Variants in IL1RAPL1 observed in about 807,000 individuals in gnomAD.
The protein encoded by IL1RAPL1 is interleukin 1 receptor accessory protein like 1, also known as interleukin-1 receptor accessory protein-like 1.
IL1RAPL1 carries 3 observed loss-of-function variants against 48.4 expected under a neutral mutation model. The ratio of observed to expected loss-of-function variants is 0.06; its 90% CI spans 0.03 to 0.16. IL1RAPL1 has a LOEUF of 0.16. Ranked by LOEUF, IL1RAPL1 falls within the 10% of genes least tolerant of loss-of-function variation. The pLI, the probability that IL1RAPL1 is intolerant of heterozygous loss-of-function variation, is 1.00. For missense variants in IL1RAPL1, 349 were observed against 530.6 expected, an observed-to-expected ratio of 0.66 and a Z score of 3.36; for synonymous variants, 185 against 187.7, an observed-to-expected ratio of 0.99 and a Z score of 0.12.
At position 29,956,714 on chromosome X, in the gene IL1RAPL1, A is replaced by G. The variant is rs1933429694; in HGVS notation, c.*894A>G. ...ATATAAAAACAACAAAACAAAACAA[A>G]AAAAGAAAAAAAAACAAAAAACAAA... On this transcript the variant is annotated 3_prime_UTR_variant, in exon 11 of 11. Coordinates refer to ENST00000378993, the MANE Select transcript of IL1RAPL1 (RefSeq NM_014271.4). 9.6e-6 allele frequency: 1 copy of G among 103,931 alleles called. No homozygotes were observed. Among genetic ancestry groups the G allele is most frequent in the Non-Finnish European group, 1.9e-5 (1 of 51,738 alleles). The allele number at this position is 103,931 out of a possible 1,213,427, so 8.6% of individuals were successfully genotyped here.
chrX:29,103,652 A>G (rs2147465482), intron 2 of IL1RAPL1, among the ~76,000 whole-genome samples: 1 of 111,674 alleles, frequency 9.0e-6, no homozygotes, highest in South Asian at 3.7e-4. Flanking sequence ...GCTTCTGCAC[A>G]ACAAAGGATA....
intron 3 of IL1RAPL1, among the ~76,000 whole-genome samples, chrX:29,370,324 C>T (rs955825023): frequency 5.7e-5 from 5 of 87,256 alleles, no homozygotes; most frequent in Non-Finnish European, 1.2e-4. Context: ...CTTTTGTTGC[C>T]ATTATGACAT....
intron 5 of IL1RAPL1, among the ~76,000 whole-genome samples, chrX:29,465,251 C>T (rs933192796): frequency 9.1e-6 from 1 of 109,972 alleles, no homozygotes; most frequent in African/African-American, 3.3e-5. Context: ...CAAAAAAATA[C>T]AAAAATCAGC....
At chrX:29,084,144 C>T (rs1390777622) in intron 2 of IL1RAPL1, among the ~76,000 whole-genome samples, 3 of 111,435 alleles carry the variant, frequency 2.7e-5, no homozygotes, top group Admixed American at 1.9e-4. Context: ...GAAATTGGGG[C>T]ATGACTACAC....
chrX:29,142,490 C>A (rs1479664190), intron 2 of IL1RAPL1, among the ~76,000 whole-genome samples: 8 of 111,797 alleles, frequency 7.2e-5, no homozygotes, highest in African/African-American at 2.6e-4. Flanking sequence ...CAGAAAAGAA[C>A]CCTAGTGGAC....
At chrX:29,114,992 C>T (rs184918305) in intron 2 of IL1RAPL1, among the ~76,000 whole-genome samples, 6 of 111,562 alleles carry the variant, frequency 5.4e-5, no homozygotes, top group African/African-American at 9.8e-5. Context: ...ATAAATATTA[C>T]GAATTTTTAA....
intron 6 of IL1RAPL1, among the ~76,000 whole-genome samples, chrX:29,765,120 G>A (rs969993937): frequency 8.0e-5 from 9 of 112,141 alleles, no homozygotes; most frequent in African/African-American, 2.9e-4. Flanking sequence ...GTTCTCAAGC[G>A]AAATAAAACA....
intron 2 of IL1RAPL1, among the ~76,000 whole-genome samples, chrX:29,075,859 A>G (rs1322905048): frequency 1.8e-5 from 2 of 111,892 alleles, no homozygotes; most frequent in Non-Finnish European, 3.8e-5. Context: ...TATACATAGG[A>G]GTGCTTTCTC....
At chrX:29,762,206 C>T (rs985436644) in intron 6 of IL1RAPL1, among the ~76,000 whole-genome samples, 8 of 111,662 alleles carry the variant, frequency 7.2e-5, no homozygotes, top group Non-Finnish European at 1.1e-4. Flanking sequence ...AGACAGTGTG[C>T]GGTAGAGATA....
chrX:29,766,342 A>AAATATATATATATAT (rs1200679211), intron 6 of IL1RAPL1, among the ~76,000 whole-genome samples: 1 of 47,542 alleles, frequency 2.1e-5, no homozygotes, highest in African/African-American at 9.0e-5. Context: ...AAAAAAAAAA[A>AAATATATATATATAT]ATATATATAT....
At chrX:29,118,783 T>G (rs1928725198) in intron 2 of IL1RAPL1, among the ~76,000 whole-genome samples, 1 of 111,636 alleles carries the variant, frequency 9.0e-6, no homozygotes, top group South Asian at 3.7e-4. Context: ...AAATTTCTAC[T>G]TTAAAAAAAA....
At chrX:29,723,312 G>A (rs772793161) in intron 6 of IL1RAPL1, among the ~76,000 whole-genome samples, 7 of 112,367 alleles carry the variant, frequency 6.2e-5, no homozygotes, top group Non-Finnish European at 1.1e-4. Context: ...GCAGTGGTGC[G>A]ATCTCGGCTC....
At chrX:28,736,928 T>C (rs1487683296) in intron 1 of IL1RAPL1, among the ~76,000 whole-genome samples, 1 of 112,114 alleles carries the variant, frequency 8.9e-6, no homozygotes, top group Admixed American at 9.5e-5. Context: ...TCATGGATTC[T>C]TTCATTCCAT....
chrX:29,156,240 C>T (rs2147501883), intron 2 of IL1RAPL1, among the ~76,000 whole-genome samples: 1 of 111,433 alleles, frequency 9.0e-6, no homozygotes, highest in African/African-American at 3.3e-5. Context: ...TGCAATTTTC[C>T]ATGAGCCTAG....
chrX:29,560,508 A>G (rs1002594647), intron 5 of IL1RAPL1, among the ~76,000 whole-genome samples: 7 of 111,646 alleles, frequency 6.3e-5, no homozygotes, highest in Non-Finnish European at 1.1e-4. Flanking sequence ...TAGTGAATGT[A>G]TCGGTTCTCT....
chrX:28,969,699 A>AT (rs760681630), intron 2 of IL1RAPL1, among the ~76,000 whole-genome samples: 3 of 108,673 alleles, frequency 2.8e-5, no homozygotes, highest in Non-Finnish European at 5.7e-5. Flanking sequence ...CCTAGTGTTA[A>AT]TTTTTTTTAA....
intron 6 of IL1RAPL1, among the ~76,000 whole-genome samples, chrX:29,904,307 A>G (rs1332056710): frequency 1.8e-5 from 2 of 111,904 alleles, no homozygotes; most frequent in East Asian, 5.6e-4. Flanking sequence ...GCTCTTGATA[A>G]CAAGCTAAAT....
At chrX:29,747,339 T>C (rs1928357517) in intron 6 of IL1RAPL1, among the ~76,000 whole-genome samples, 1 of 112,751 alleles carries the variant, frequency 8.9e-6, no homozygotes, top group South Asian at 3.6e-4. Context: ...TATGAATGTT[T>C]CATACAACAA....
chrX:28,923,617 G>A (rs1361557982), intron 2 of IL1RAPL1, among the ~76,000 whole-genome samples: 2 of 110,982 alleles, frequency 1.8e-5, no homozygotes, highest in East Asian at 5.6e-4. Flanking sequence ...GTGATATTTG[G>A]ATTAAACGAT....
Sources: allele counts gnomAD v4.1 joint callset (sites outside exome capture counted in the v4.1 genomes callset), GRCh38; gene constraint gnomAD v4.1.1; transcripts MANE v1.5; gene names NCBI Gene and HGNC (gene_info 2026-07-23, HGNC 2026-07-21).